Variants in CTBP2 observed in about 807,000 individuals in gnomAD.
The protein encoded by CTBP2 is C-terminal-binding protein 2.
Under a neutral mutation model 80.3 loss-of-function variants are expected in CTBP2, and 30 were observed. That is an observed-to-expected ratio of 0.37 (90% CI 0.28 to 0.51). CTBP2 has a LOEUF of 0.51. Among genes scored for constraint, CTBP2 ranks in the 20% least tolerant of loss-of-function variants. CTBP2 has a pLI of 0.93. For missense variants in CTBP2, 1,212 were observed against 1,375.3 expected (o/e 0.88, Z 1.88); for synonymous variants, 594 against 587.4 (o/e 1.01, Z -0.16).
intron 2 of CTBP2, among the ~76,000 whole-genome samples, chr10:125,048,020 T>G (rs1961694486): frequency 1.3e-5 from 2 of 152,186 alleles, no homozygotes; most frequent in South Asian, 4.1e-4. Flanking sequence ...TTATGGGGCC[T>G]CTACTGTCCT....
At chr10:125,013,107 G>A (rs1236580573) in intron 1 of CTBP2, among the ~76,000 whole-genome samples, 1 of 152,160 alleles carries the variant, frequency 6.6e-6, no homozygotes, top group Non-Finnish European at 1.5e-5. Flanking sequence ...TGTGGTTCCA[G>A]CCCACAGCTC....
upstream of CTBP2, among the ~76,000 whole-genome samples, chr10:125,030,106 A>G (rs956991949): frequency 5.3e-5 from 8 of 151,624 alleles, no homozygotes; most frequent in Middle Eastern, 3.4e-3. Context: ...AAACACCTGT[A>G]ACTGGACTCA....
intron 1 of CTBP2, among the ~76,000 whole-genome samples, chr10:125,004,640 G>A (rs945128326): frequency 2.0e-5 from 3 of 152,164 alleles, no homozygotes; most frequent in African/African-American, 7.2e-5. Flanking sequence ...TTTAGCCTCA[G>A]ATTAAAACTT....
At position 125,003,622 on chromosome 10, in the gene CTBP2, C is replaced by T. The variant is rs575704663; in HGVS notation, c.1679-130G>A. On this transcript the variant is annotated intron_variant, in intron 1 of 8. Transcript: ENST00000309035. ...GAGGGTGGCGGAGCAGCGAGGGCACCGCCTCCACCTGCATCACCTTCCAGG... is the reference window on the plus strand; with the variant it reads ...GAGGGTGGCGGAGCAGCGAGGGCACTGCCTCCACCTGCATCACCTTCCAGG... The T allele has an allele frequency of 1.7e-5, 11 of 649,004 alleles. No homozygotes were observed. In the East Asian group the frequency reaches 1.9e-4, roughly 11 times the overall value. The allele number at this position is 649,004 out of a possible 1,614,324, so 40.2% of individuals were successfully genotyped here.
chr10:125,026,356 G>A lies in CTBP2; in HGVS notation c.1404C>T (p.Pro468=), dbSNP rs1957550612. ...TGGGGCCTGGGTGAAGGGGGTTTGA[G>A]GGGCCCGGGTTAGTCAAGGCCACCC... Residue 468 remains proline, a synonymous_variant, in exon 1 of 9, where the codon CCC becomes CCT. Transcript: ENST00000309035. 1 of 1,613,846 alleles carries A rather than the reference G, an allele frequency of 6.2e-7. No homozygotes were observed. The highest frequency in any genetic ancestry group is 1.3e-5 in the African/African-American group (1 of 75,030).
intron 2 of CTBP2, among the ~76,000 whole-genome samples, chr10:125,071,342 C>A (rs1345129867): frequency 1.3e-5 from 2 of 152,338 alleles, no homozygotes; most frequent in South Asian, 2.1e-4. Context: ...GATGGAAAAA[C>A]CAGGAAATAT....
rs59184976 is a variant in CTBP2, at chr10:125,018,553, CAACAAACAAACAAACA to C, written c.1678+7513_1678+7528del. Reference sequence around the variant, plus strand: ...AAGCACCAGACCAAACCAAACCAACCAACAAACAAACAAACAAACAAACAAACAAACAAACTCCACA... The same window carrying C: ...AAGCACCAGACCAAACCAAACCAACCAACAAACAAACAAACAAACTCCACA... On this transcript the variant is annotated intron_variant, in intron 1 of 8. Transcript: ENST00000309035. 5.7e-4 allele frequency among the ~76,000 whole-genome samples: 57 copies of C among 99,568 alleles called. 1 individual carries two copies. Among genetic ancestry groups the C allele is most frequent in the Admixed American group, 2.7e-3 (28 of 10,562 alleles). 65.3% of individuals were successfully genotyped at this position (99,568 alleles called of 152,430 possible). A position where few individuals can be genotyped will look rare whatever the true frequency, so the allele number is the denominator to read the frequency against.
chr10:125,038,922 C>A, intron 3 of CTBP2, 75 bp downstream of exon 3: 1 of 1,485,836 alleles, frequency 6.7e-7, no homozygotes, highest in Admixed American at 1.8e-5. Context: ...GCACAGCCAA[C>A]TCAAGGGAGC....
In CTBP2 at chr10:124,989,452, T is replaced by C. The variant is rs796272366; in HGVS notation, c.*66A>G. 7 of 1,433,550 alleles carry C rather than the reference T, an allele frequency of 4.9e-6. No individual in the cohort carries two copies. The highest frequency in any genetic ancestry group is 6.9e-6 in the Non-Finnish European group (7 of 1,017,680). The allele number at this position is 1,433,550 out of a possible 1,614,324, so 88.8% of individuals were successfully genotyped here. A position where few individuals can be genotyped will look rare whatever the true frequency, so the allele number is the denominator to read the frequency against. On this transcript the variant is annotated 3_prime_UTR_variant, in exon 9 of 9. Coordinates refer to ENST00000309035, the MANE Select transcript of CTBP2 (RefSeq NM_022802.3). Reference sequence around the variant, plus strand: ...GACCATCCGATTCTTTTTCTCTTAGTTCATCTATTTTTCACTGTCTCTTGG... The same window carrying C: ...GACCATCCGATTCTTTTTCTCTTAGCTCATCTATTTTTCACTGTCTCTTGG...
chr10:125,008,444 A>T (rs981284886), intron 1 of CTBP2, among the ~76,000 whole-genome samples: 1 of 152,230 alleles, frequency 6.6e-6, no homozygotes, highest in African/African-American at 2.4e-5. Context: ...TGACCGAGCT[A>T]TCACATTCAT....
intron 1 of CTBP2, among the ~76,000 whole-genome samples, chr10:125,014,455 A>G (rs977852063): frequency 6.6e-6 from 1 of 152,218 alleles, no homozygotes; most frequent in Non-Finnish European, 1.5e-5. Context: ...TGGCTCTAAA[A>G]AATTAACTGA....
chr10:125,063,945 G>A (rs567602764), intron 2 of CTBP2, among the ~76,000 whole-genome samples: 1 of 152,126 alleles, frequency 6.6e-6, no homozygotes, highest in East Asian at 1.9e-4. Context: ...CACCTTCCAG[G>A]GGTGCTCTCT....
chr10:125,097,431 G>A (rs568072720), intron 2 of CTBP2, among the ~76,000 whole-genome samples: 4 of 152,258 alleles, frequency 2.6e-5, no homozygotes, highest in African/African-American at 9.6e-5. Context: ...CAGTTACAAT[G>A]GATGACTATT....
At chr10:124,999,354 ATCTT>A (rs1345063377) in intron 3 of CTBP2, 6 of 151,900 alleles carry the variant, frequency 3.9e-5, no homozygotes, top group Non-Finnish European at 8.8e-5. Context: ...GGATTCCTCT[ATCTT>A]AAGTCCTGAA....
intron 1 of CTBP2, among the ~76,000 whole-genome samples, chr10:125,147,052 C>G (rs1858909847): frequency 6.6e-6 from 1 of 152,222 alleles, no homozygotes; most frequent in Admixed American, 6.5e-5. Context: ...TGCCACCAAG[C>G]AAGTCGACAG....
chr10:125,033,672 G>A (rs765559324), intron 3 of CTBP2, among the ~76,000 whole-genome samples: 3 of 152,114 alleles, frequency 2.0e-5, no homozygotes, highest in Non-Finnish European at 4.4e-5. Context: ...CGGATGCACT[G>A]TTCCCCCCGC....
At chr10:125,034,945 T>C (rs1337469890) in intron 3 of CTBP2, among the ~76,000 whole-genome samples, 1 of 152,182 alleles carries the variant, frequency 6.6e-6, no homozygotes, top group Non-Finnish European at 1.5e-5. Context: ...TCTAGACCAC[T>C]TGGGTAACCT....
Position 125,027,332 on chromosome 10 carries a change from C to T in CTBP2, c.428G>A (p.Gly143Asp), listed in dbSNP as rs756796976. 1.2e-6 allele frequency: 2 copies of T among 1,613,720 alleles called. No homozygotes were observed. The highest frequency in any genetic ancestry group is 1.1e-5 in the South Asian group (1 of 91,086). Residue 143 changes from glycine (G) to aspartate (D), a missense_variant, in exon 1 of 9, where the codon GGC becomes GAC. Transcript: ENST00000309035. ...CATTGGATCCCATGACGTTCTGCTG[C>T]CAAGCACTCCGTAGCTGGGGACCGG...
intron 1 of CTBP2, among the ~76,000 whole-genome samples, chr10:125,129,639 G>A (rs752673194): frequency 2.0e-5 from 3 of 152,114 alleles, no homozygotes; most frequent in Admixed American, 6.5e-5. Flanking sequence ...TTCCTAACAA[G>A]AGACTGAAAA....
Sources: allele counts gnomAD v4.1 joint callset (sites outside exome capture counted in the v4.1 genomes callset), GRCh38; gene constraint gnomAD v4.1.1; transcripts MANE v1.5; gene names NCBI Gene and HGNC (gene_info 2026-07-23, HGNC 2026-07-21).